C12orf42: variants seen among roughly 807,000 people sequenced by gnomAD.
C12orf42 encodes chromosome 12 open reading frame 42.
C12orf42 carries 25 observed loss-of-function variants against 21.6 expected under a neutral mutation model. That is an observed-to-expected ratio of 1.16 (90% CI 0.84 to 1.62). The LOEUF is 1.62. Among genes scored for constraint, C12orf42 ranks in the 40% most tolerant of loss-of-function variants. The pLI is 0.00. For synonymous variants in C12orf42, 174 were observed against 175.0 expected (o/e 0.99, Z 0.05); for missense variants, 483 against 459.3 (o/e 1.05, Z -0.47).
At chr12:103,165,078 G>C in the C12orf42 span, among the ~76,000 whole-genome samples, 1 of 152,304 alleles carries the variant, frequency 6.6e-6, no homozygotes, top group East Asian at 1.9e-4. Context: ...GCTGACTAGA[G>C]GTCACACACA....
upstream of C12orf42, among the ~76,000 whole-genome samples, chr12:103,500,083 C>T (rs952190318): frequency 3.9e-5 from 6 of 152,144 alleles, no homozygotes; most frequent in Non-Finnish European, 8.8e-5. Flanking sequence ...CAAACTTCAG[C>T]CTTTTAACTG....
At chr12:103,468,230 C>T (rs1419166096) in intron 2 of C12orf42, among the ~76,000 whole-genome samples, 1 of 152,140 alleles carries the variant, frequency 6.6e-6, no homozygotes, top group Non-Finnish European at 1.5e-5. Context: ...AGCCTGCTTT[C>T]AAATTTTAAT....
upstream of C12orf42, among the ~76,000 whole-genome samples, chr12:103,498,877 G>A (rs1955643141): frequency 6.7e-6 from 1 of 148,712 alleles, no homozygotes; most frequent in African/African-American, 2.5e-5. Flanking sequence ...GTTGGGGGGT[G>A]GGGTTGGGGG....
At chr12:103,532,478 C>A in the C12orf42 span, among the ~76,000 whole-genome samples, 2 of 151,820 alleles carry the variant, frequency 1.3e-5, no homozygotes, top group East Asian at 3.9e-4. Context: ...TCTTTTATAC[C>A]TACTTTGTAT....
At chr12:103,387,073 G>T (rs2046673493) in intron 3 of C12orf42, among the ~76,000 whole-genome samples, 1 of 152,180 alleles carries the variant, frequency 6.6e-6, no homozygotes, top group Non-Finnish European at 1.5e-5. Context: ...TGCGAAAGGG[G>T]AGCCTAGTAA....
the C12orf42 span, among the ~76,000 whole-genome samples, chr12:103,100,481 G>A: frequency 6.6e-6 from 1 of 152,212 alleles, no homozygotes; most frequent in Non-Finnish European, 1.5e-5. Context: ...GTGTGGCACC[G>A]GAGCGGTCAC....
intron 3 of C12orf42, among the ~76,000 whole-genome samples, chr12:103,377,360 C>T (rs1014872140): frequency 2.6e-5 from 4 of 152,046 alleles, no homozygotes; most frequent in African/African-American, 7.2e-5. Context: ...TCAGTCAGGG[C>T]TTATGACCAG....
At chr12:103,210,956 G>A in the C12orf42 span, among the ~76,000 whole-genome samples, 1 of 152,064 alleles carries the variant, frequency 6.6e-6, no homozygotes, top group African/African-American at 2.4e-5. Flanking sequence ...ACCACATCCA[G>A]CCCGGATGAC....
upstream of C12orf42, among the ~76,000 whole-genome samples, chr12:103,497,116 T>C (rs1955580895): frequency 6.6e-6 from 1 of 152,238 alleles, no homozygotes; most frequent in African/African-American, 2.4e-5. Context: ...AAATTTGCTG[T>C]GACCACACAG....
chr12:103,202,656 C>G, the C12orf42 span, among the ~76,000 whole-genome samples: 1 of 152,156 alleles, frequency 6.6e-6, no homozygotes, highest in African/African-American at 2.4e-5. Context: ...TTCCTGACTC[C>G]AATATAAGGA....
chr12:103,198,444 A>C, the C12orf42 span, among the ~76,000 whole-genome samples: 8 of 152,182 alleles, frequency 5.3e-5, no homozygotes, highest in African/African-American at 1.9e-4. Flanking sequence ...AAGCAAGACC[A>C]CCCTACTTGT....
chr12:103,341,363 C>T (rs563336722), intron 4 of C12orf42, among the ~76,000 whole-genome samples: 2 of 151,892 alleles, frequency 1.3e-5, no homozygotes, highest in South Asian at 4.2e-4. Flanking sequence ...AAAAACCCTC[C>T]TCCAAAATTA....
chr12:103,403,779 T>C (rs2048216742), intron 2 of C12orf42, among the ~76,000 whole-genome samples: 1 of 152,228 alleles, frequency 6.6e-6, no homozygotes, highest in Non-Finnish European at 1.5e-5. Context: ...ACTCGAACCA[T>C]GTACATTCAC....
the C12orf42 span, among the ~76,000 whole-genome samples, chr12:103,148,925 T>A: frequency 4.1e-4 from 62 of 152,330 alleles, no homozygotes; most frequent in East Asian, 0.011. Context: ...TGAAGGAATT[T>A]GTATATTATA....
chr12:103,553,929 G>C, the C12orf42 span, among the ~76,000 whole-genome samples: 3 of 152,164 alleles, frequency 2.0e-5, no homozygotes, highest in African/African-American at 7.2e-5. Context: ...ACCAGTTTGA[G>C]GGAGGAGAGA....
chr12:103,403,468 C>G (rs1237691691), intron 2 of C12orf42, among the ~76,000 whole-genome samples: 4 of 151,928 alleles, frequency 2.6e-5, no homozygotes. Flanking sequence ...AGAAGGAATT[C>G]TAAATCGCCA....
At chr12:103,449,810 A>G (rs4764962) in intron 2 of C12orf42, among the ~76,000 whole-genome samples, 91,360 of 150,648 alleles carry the variant, frequency 0.61, 29,118 homozygotes, top group Admixed American at 0.72. Context: ...CATTTGAAAA[A>G]AAAAAAAAAG....
At chr12:103,160,817 T>C in the C12orf42 span, among the ~76,000 whole-genome samples, 3,541 of 152,274 alleles carry the variant, frequency 0.023, 47 homozygotes, top group South Asian at 0.035. Flanking sequence ...CATACCAACA[T>C]AGTGTAGTGG....
the C12orf42 span, among the ~76,000 whole-genome samples, chr12:103,107,002 C>T: frequency 1.3e-5 from 2 of 151,744 alleles, no homozygotes; most frequent in Non-Finnish European, 3.0e-5. Flanking sequence ...TGATGTTAGG[C>T]AAATAAGCCT....
Sources: allele counts gnomAD v4.1 joint callset (sites outside exome capture counted in the v4.1 genomes callset), GRCh38; gene constraint gnomAD v4.1.1; transcripts MANE v1.5; gene names NCBI Gene and HGNC (gene_info 2026-07-23, HGNC 2026-07-21).